LCLAT1: variants seen among roughly 807,000 people sequenced by gnomAD.
LCLAT1 encodes lysocardiolipin acyltransferase 1.
A neutral mutation model predicts 30.7 loss-of-function variants in LCLAT1; 11 were observed. The ratio of observed to expected loss-of-function variants is 0.36; its 90% CI spans 0.23 to 0.59. LCLAT1 has a LOEUF of 0.59. Among genes scored for constraint, LCLAT1 ranks in the 20% least tolerant of loss-of-function variants. The pLI, the probability that LCLAT1 is intolerant of heterozygous loss-of-function variation, is 0.77. For synonymous variants in LCLAT1, 155 were observed against 151.3 expected, an observed-to-expected ratio of 1.02 and a Z score of -0.18; for missense variants, 402 against 458.6, an observed-to-expected ratio of 0.88 and a Z score of 1.13.
chr2:30,503,611 A>G lies in LCLAT1; in HGVS notation c.-4-21976A>G, dbSNP rs148307558. On this transcript the variant is annotated intron_variant, in intron 1 of 5. Coordinates refer to ENST00000379509, the MANE Select transcript of LCLAT1 (RefSeq NM_001002257.3). Reference sequence around the variant, plus strand: ...TACATCTTGAAAGGAAACTTTGTGTAGTAACAGGAAATTGTTGAAATATAG... The same window carrying G: ...TACATCTTGAAAGGAAACTTTGTGTGGTAACAGGAAATTGTTGAAATATAG... Among the ~76,000 whole-genome samples, 227 of 152,334 alleles carry G rather than the reference A, an allele frequency of 1.5e-3. 1 individual carries two copies. The highest frequency in any genetic ancestry group is 5.1e-3 in the African/African-American group (213 of 41,576).
At chr2:30,581,171 C>T (rs1421176283) in intron 5 of LCLAT1, among the ~76,000 whole-genome samples, 1 of 152,168 alleles carries the variant, frequency 6.6e-6, no homozygotes, top group Non-Finnish European at 1.5e-5. Context: ...ACTACAGAGC[C>T]AGTCTGGGCT....
At chr2:30,533,615 G>A (rs556808330) in intron 3 of LCLAT1, among the ~76,000 whole-genome samples, 2 of 152,290 alleles carry the variant, frequency 1.3e-5, no homozygotes, top group East Asian at 3.9e-4. Context: ...ATTGCAGGTA[G>A]TACTTGTGAT....
At chr2:30,561,929 T>G (rs1175905470) in intron 3 of LCLAT1, among the ~76,000 whole-genome samples, 1 of 152,186 alleles carries the variant, frequency 6.6e-6, no homozygotes, top group Non-Finnish European at 1.5e-5. Context: ...TTGAGAATTT[T>G]GCAAACCTCA....
At chr2:30,493,009 A>G (rs1329508246) in intron 1 of LCLAT1, among the ~76,000 whole-genome samples, 1 of 152,200 alleles carries the variant, frequency 6.6e-6, no homozygotes, top group Admixed American at 6.5e-5. Context: ...CCCGTGGGCT[A>G]CATTGTTTAA....
chr2:30,614,598 C>T (rs962719579), intron 5 of LCLAT1, among the ~76,000 whole-genome samples: 3 of 151,972 alleles, frequency 2.0e-5, no homozygotes, highest in East Asian at 3.9e-4. Context: ...GGGGGAAAGG[C>T]CAAAAAGCAG....
chr2:30,568,864 C>CAAAAAAAAAAAAAAAAAAAAAA (rs61325694), intron 5 of LCLAT1, among the ~76,000 whole-genome samples: 11 of 89,106 alleles, frequency 1.2e-4, no homozygotes, highest in Non-Finnish European at 1.9e-4. Flanking sequence ...TCATGAATAG[C>CAAAAAAAAAAAAAAAAAAAAAA]AAAAAAAAAA....
intron 1 of LCLAT1, among the ~76,000 whole-genome samples, chr2:30,485,523 G>A (rs72856619): frequency 0.013 from 2,041 of 152,030 alleles, 34 homozygotes; most frequent in African/African-American, 0.046. Flanking sequence ...TTAAATTCAC[G>A]TTTCCATTGT....
chr2:30,454,710 A>C (rs1681737352), intron 1 of LCLAT1, among the ~76,000 whole-genome samples: 1 of 152,036 alleles, frequency 6.6e-6, no homozygotes, highest in Non-Finnish European at 1.5e-5. Flanking sequence ...CGACCTCCCA[A>C]AGTGCTGTGA....
At chr2:30,496,773 A>G (rs529518862) in intron 1 of LCLAT1, among the ~76,000 whole-genome samples, 1 of 152,068 alleles carries the variant, frequency 6.6e-6, no homozygotes, top group Non-Finnish European at 1.5e-5. Flanking sequence ...AGTTCCTTGA[A>G]CCTAACAAGC....
At chr2:30,568,505 C>CTT (rs35285466) in intron 5 of LCLAT1, among the ~76,000 whole-genome samples, 26 of 85,332 alleles carry the variant, frequency 3.0e-4, no homozygotes, top group African/African-American at 8.2e-4. Flanking sequence ...GTCTTTCTTT[C>CTT]TTTTTTTTTT....
chr2:30,576,061 A>G (rs1665982003), intron 5 of LCLAT1, among the ~76,000 whole-genome samples: 1 of 152,146 alleles, frequency 6.6e-6, no homozygotes, highest in Non-Finnish European at 1.5e-5. Context: ...AGATGAGTGA[A>G]AATTATATAC....
chr2:30,555,061 T>A (rs1429661635), intron 3 of LCLAT1, among the ~76,000 whole-genome samples: 1 of 152,080 alleles, frequency 6.6e-6, no homozygotes, highest in East Asian at 1.9e-4. Flanking sequence ...ACTGATGAAT[T>A]TCTATAAAAC....
intron 4 of LCLAT1, among the ~76,000 whole-genome samples, chr2:30,563,373 G>A (rs1223693962): frequency 6.6e-6 from 1 of 152,178 alleles, no homozygotes; most frequent in African/African-American, 2.4e-5. Flanking sequence ...ATAATAAGAT[G>A]GATAAAAGCA....
chr2:30,560,466 G>C (rs377508952), intron 3 of LCLAT1, among the ~76,000 whole-genome samples: 2 of 152,204 alleles, frequency 1.3e-5, no homozygotes, highest in East Asian at 3.9e-4. Flanking sequence ...AGCCTCCCAA[G>C]TAGCTGGGAT....
intron 3 of LCLAT1, among the ~76,000 whole-genome samples, chr2:30,559,112 A>G (rs963873024): frequency 1.3e-5 from 2 of 152,216 alleles, no homozygotes; most frequent in African/African-American, 2.4e-5. Context: ...ATACATAAGA[A>G]TATATACTGT....
intron 1 of LCLAT1, among the ~76,000 whole-genome samples, chr2:30,475,005 A>C (rs1218405892): frequency 6.7e-6 from 1 of 149,508 alleles, no homozygotes; most frequent in Non-Finnish European, 1.5e-5. Context: ...TGCTAGTCTT[A>C]TTCTGTGTGT....
intron 3 of LCLAT1, among the ~76,000 whole-genome samples, chr2:30,549,878 A>G (rs1222455744): frequency 6.6e-6 from 1 of 152,206 alleles, no homozygotes. Flanking sequence ...TTATGCTTGA[A>G]GTCAGATGTT....
chr2:30,509,242 A>G (rs1013271608), intron 1 of LCLAT1, among the ~76,000 whole-genome samples: 3 of 152,202 alleles, frequency 2.0e-5, no homozygotes, highest in East Asian at 3.9e-4. Flanking sequence ...CTCTCTTCCT[A>G]TTTGGATGCT....
chr2:30,506,015 A>T (rs1389332319), intron 1 of LCLAT1, among the ~76,000 whole-genome samples: 1 of 152,106 alleles, frequency 6.6e-6, no homozygotes, highest in Admixed American at 6.6e-5. Flanking sequence ...TAAATCCATT[A>T]ACGGTTCAGA....
Sources: gnomAD v4.1 joint callset for allele counts (sites outside exome capture counted in the v4.1 genomes callset) on GRCh38, gnomAD v4.1.1 for gene constraint, MANE v1.5 for transcripts, NCBI Gene and HGNC (gene_info 2026-07-23, HGNC 2026-07-21) for gene names.